BRCA1: variants seen among roughly 807,000 people sequenced by gnomAD.
The protein encoded by BRCA1 is breast cancer type 1 susceptibility protein.
BRCA1 carries 140 observed loss-of-function variants against 173.7 expected under a neutral mutation model. The observed-to-expected ratio is 0.81, with a 90% CI of 0.70 to 0.93. The LOEUF (loss-of-function observed/expected upper bound fraction) is 0.93. Ranked by LOEUF, BRCA1 falls within the 40% of genes least tolerant of loss-of-function variation. The probability of loss-of-function intolerance (pLI) is 0.00; values close to 1 mark genes in which losing one functional copy is unlikely to be tolerated. For synonymous variants in BRCA1, 662 were observed against 756.0 expected (o/e 0.88, Z 2.04); for missense variants, 1,983 against 2,172.5 (o/e 0.91, Z 1.73).
At chr17:43,050,998 T>G in intron 20 of BRCA1, 65 bp downstream of exon 20, 5 of 1,506,320 alleles carry the variant, frequency 3.3e-6, no homozygotes, top group Non-Finnish European at 4.6e-6. Flanking sequence ...GGATCTTGCT[T>G]ATAATACTCC....
chr17:43,148,222 G>A (rs557242745), intron 1 of BRCA1: 60 of 156,694 alleles, frequency 3.8e-4, no homozygotes, highest in African/African-American at 1.2e-3. Context: ...CCCAGGAGGC[G>A]GAGGTTGCGG....
intron 1 of BRCA1, among the ~76,000 whole-genome samples, chr17:43,150,990 C>A (rs9898621): frequency 6.6e-6 from 1 of 152,190 alleles, no homozygotes; most frequent in East Asian, 1.9e-4. Context: ...GGTGGCTGTG[C>A]CCATCAAACA....
At chr17:43,165,648 T>C (rs867007403) in intron 1 of BRCA1, 4 of 152,060 alleles carry the variant, frequency 2.6e-5, no homozygotes, top group African/African-American at 9.7e-5. Context: ...TTTATTTCTT[T>C]AAACAACCAG....
chr17:43,096,339 T>C (rs1220622688), intron 8 of BRCA1, among the ~76,000 whole-genome samples: 10 of 137,994 alleles, frequency 7.2e-5, no homozygotes, highest in African/African-American at 2.1e-4. Context: ...ATCACACCTC[T>C]GTACTCCAGC....
chr17:43,090,376 T>C (rs2053403275), intron 11 of BRCA1, among the ~76,000 whole-genome samples: 1 of 152,094 alleles, frequency 6.6e-6, no homozygotes, highest in African/African-American at 2.4e-5. Context: ...TGATGTGTTT[T>C]TGTTTGTTTG....
At chr17:43,105,443 G>C (rs2154553444) in intron 4 of BRCA1, among the ~76,000 whole-genome samples, 1 of 152,116 alleles carries the variant, frequency 6.6e-6, no homozygotes, top group Admixed American at 6.6e-5. Flanking sequence ...GTCTCACTAT[G>C]TTGCCCAGGC....
chr17:43,053,419 T>C (rs1409893208), intron 19 of BRCA1, among the ~76,000 whole-genome samples: 3 of 152,128 alleles, frequency 2.0e-5, no homozygotes, highest in Non-Finnish European at 1.5e-5. Flanking sequence ...TCCCAGCACT[T>C]TGGGAGGCTG....
chr17:43,071,361 A>T, intron 14 of BRCA1, 123 bp from the exon 15 acceptor site: 1 of 1,110,792 alleles, frequency 9.0e-7, no homozygotes, highest in Non-Finnish European at 1.3e-6. Flanking sequence ...GTACATGAAT[A>T]CAGTGTTGGT....
intron 14 of BRCA1, among the ~76,000 whole-genome samples, chr17:43,072,600 TG>T (rs2052502031): frequency 1.3e-5 from 2 of 150,436 alleles, no homozygotes; most frequent in Non-Finnish European, 3.0e-5. Context: ...GTTTCATTCT[TG>T]TTGCCCAGGC....
chr17:43,135,545 C>G (rs540126958), intron 1 of BRCA1, among the ~76,000 whole-genome samples: 1 of 152,266 alleles, frequency 6.6e-6, no homozygotes, highest in East Asian at 1.9e-4. Flanking sequence ...TGTAGGGTCT[C>G]TGGCCGGGGC....
rs80356920 is a variant in BRCA1 at position 43,047,699 on chromosome 17, A to T, written c.5411T>A (p.Val1804Asp). The T allele has an allele frequency of 7.5e-5, 121 of 1,614,188 alleles. No homozygotes were observed. The highest frequency in any genetic ancestry group is 5.7e-4 in the Admixed American group (34 of 60,018). ...ELSSFTLGTGVHPIVVVQPDA... is the reference protein window; with the variant it reads ...ELSSFTLGTGDHPIVVVQPDA... ...TGGCTGCACAACCACAATTGGGTGG[A>T]CACCCTGGATCCCCAGGAAGGAAAG... The change falls in exon 22 of 23, where the codon GTC becomes GAC. Residue 1804 changes from valine (V) to aspartate (D), a missense_variant. Val to Asp is a radical substitution (Grantham distance 152). Coordinates refer to ENST00000357654, the MANE Select transcript of BRCA1 (RefSeq NM_007294.4).
At chr17:43,046,817 G>A (rs1339198344) in intron 22 of BRCA1, among the ~76,000 whole-genome samples, 1 of 150,896 alleles carries the variant, frequency 6.6e-6, no homozygotes, top group Admixed American at 6.6e-5. Context: ...AGAGGCCCTA[G>A]GAGTGACTCC....
At position 43,106,462 on chromosome 17, in the gene BRCA1, G is replaced by A. The variant is rs273898675; in HGVS notation, c.206C>T (p.Thr69Ile). 1.3e-6 allele frequency: 2 copies of A among 1,589,614 alleles called. No homozygotes were observed. The highest frequency in any genetic ancestry group is 1.7e-5 in the Admixed American group (1 of 59,778). ...TCATTACCAAATTATATACCTTTTG[G>A]TTATATCATTCTTACATAAAGGACA... ...SQCPLCKNDI[T>I]KRSLQESTRF... The change falls in exon 4 of 23, where the codon ACC (threonine) becomes ATC (isoleucine). Residue 69 changes from threonine to isoleucine, a missense_variant. By Grantham distance (89) the Thr-to-Ile change is moderately conservative. Coordinates refer to ENST00000357654, the MANE Select transcript of BRCA1 (RefSeq NM_007294.4).
At chr17:43,050,569 C>T (rs184359331) in intron 20 of BRCA1, among the ~76,000 whole-genome samples, 17 of 150,090 alleles carry the variant, frequency 1.1e-4, no homozygotes, top group African/African-American at 2.4e-4. Flanking sequence ...GCCGAGATCG[C>T]GCCATTGCAC....
rs80357609 is a variant in BRCA1, at chr17:43,091,826, GTTTAC to G, written c.3700_3704del (p.Val1234GlnfsTer8). 3.1e-6 allele frequency: 5 copies of G among 1,614,174 alleles called. No individual in the cohort carries two copies. The highest frequency in any genetic ancestry group is 4.2e-6 in the Non-Finnish European group (5 of 1,180,032). On this transcript the variant is annotated frameshift_variant, in exon 10 of 23. Transcript: ENST00000357654. LOFTEE classifies it high-confidence loss of function. Reference sequence around the variant, plus strand: ...GCCTAGTAGACTGAGAAGGTATATTGTTTACTTTACCAAATAACAAGTGTTGGAAG... The same window carrying G: ...GCCTAGTAGACTGAGAAGGTATATTGTTTACCAAATAACAAGTGTTGGAAG...
rs1205734172 is a variant in BRCA1, at chr17:43,049,246, C to G, written c.5333-52G>C. ...CACTGCAGTAATCTGCATACTTAAC[C>G]CAGGCCCTCTACCCTACACTCTCCG... On this transcript the variant is annotated intron_variant, in intron 20 of 22. Coordinates refer to ENST00000357654, the MANE Select transcript of BRCA1 (RefSeq NM_007294.4). 19 of 1,528,888 alleles carry G rather than the reference C, an allele frequency of 1.2e-5. No homozygotes were observed. The highest frequency in any genetic ancestry group is 1.7e-5 in the Non-Finnish European group (19 of 1,103,794). The allele number at this position is 1,528,888 out of a possible 1,614,324, so 94.7% of individuals were successfully genotyped here.
At position 43,093,290 on chromosome 17, in the gene BRCA1, G is replaced by T. The variant is rs1597871237; in HGVS notation, c.2241C>A (p.Pro747=). The T allele has an allele frequency of 6.2e-7, 1 of 1,613,956 alleles. No homozygotes were observed. Among genetic ancestry groups the T allele is most frequent in the East Asian group, 2.2e-5 (1 of 44,876 alleles). ...TTTCTCCACTTAACATGAGATCTTT[G>T]GGGTCTTCAGCATTATTAGACACTT... ...TVKVSNNAED[P]KDLMLSGERV... is the part of the protein sequence containing the mutation. Residue 747 remains proline (P), a synonymous_variant, in exon 10 of 23, where the codon CCC becomes CCA. Transcript: ENST00000357654.
chr17:43,100,678 A>ATC (rs1491277616), intron 6 of BRCA1, among the ~76,000 whole-genome samples: 1 of 36,280 alleles, frequency 2.8e-5, no homozygotes, highest in African/African-American at 1.2e-4. Flanking sequence ...ATATATATAT[A>ATC]ATATATATAT....
At chr17:43,061,655 T>G (rs994266024) in intron 18 of BRCA1, among the ~76,000 whole-genome samples, 6 of 151,804 alleles carry the variant, frequency 4.0e-5, no homozygotes, top group East Asian at 3.9e-4. Context: ...CAATCTAGGC[T>G]CACTGCAACC....
Sources: gnomAD v4.1 joint callset for allele counts (sites outside exome capture counted in the v4.1 genomes callset) on GRCh38, gnomAD v4.1.1 for gene constraint, MANE v1.5 for transcripts, NCBI Gene and HGNC (gene_info 2026-07-23, HGNC 2026-07-21) for gene names.